The following SHISA6 variants were observed in gnomAD, a reference collection of about 807,000 sequenced individuals.
The protein encoded by SHISA6 is shisa family member 6.
Under a neutral mutation model 47.9 loss-of-function variants are expected in SHISA6, and 22 were observed. The ratio of observed to expected loss-of-function variants is 0.46; its 90% CI spans 0.33 to 0.66. The LOEUF is 0.66. SHISA6 is among the 30% of genes least tolerant of loss of function. The probability of loss-of-function intolerance (pLI) is 0.02; values close to 1 mark genes in which losing one functional copy is unlikely to be tolerated. For synonymous variants in SHISA6, 388 were observed against 337.8 expected, an observed-to-expected ratio of 1.15 and a Z score of -1.63; for missense variants, 680 against 764.6, an observed-to-expected ratio of 0.89 and a Z score of 1.30.
chr17:11,308,403 G>A (rs1448413929), intron 2 of SHISA6, among the ~76,000 whole-genome samples: 1 of 136,244 alleles, frequency 7.3e-6, no homozygotes, highest in Non-Finnish European at 1.7e-5. Flanking sequence ...CAGGAATGCA[G>A]CAAATTAACC....
intron 2 of SHISA6, chr17:11,288,526 G>C (rs564082379): frequency 1.3e-5 from 2 of 152,020 alleles, no homozygotes; most frequent in African/African-American, 4.8e-5. Context: ...CTGCACTCCA[G>C]CCTGGGCAAC....
chr17:11,343,354 C>T (rs1341274526), intron 2 of SHISA6, among the ~76,000 whole-genome samples: 1 of 152,092 alleles, frequency 6.6e-6, no homozygotes, highest in African/African-American at 2.4e-5. Flanking sequence ...CAGTGGCTTA[C>T]CTTGAGTGCT....
intron 2 of SHISA6, among the ~76,000 whole-genome samples, chr17:11,306,210 C>G (rs1364686891): frequency 6.6e-6 from 1 of 152,156 alleles, no homozygotes; most frequent in African/African-American, 2.4e-5. Context: ...CAATTCTCCT[C>G]TCATGAGGTC....
At chr17:11,331,091 A>C (rs1911090785) in intron 2 of SHISA6, among the ~76,000 whole-genome samples, 1 of 152,208 alleles carries the variant, frequency 6.6e-6, no homozygotes, top group African/African-American at 2.4e-5. Context: ...GGGAGCCTGC[A>C]GGAGAAACAT....
intron 3 of SHISA6, among the ~76,000 whole-genome samples, chr17:11,546,911 A>T (rs745627106): frequency 1.1e-4 from 17 of 152,222 alleles, no homozygotes; most frequent in Non-Finnish European, 1.8e-4. Context: ...CCTGGGCAAT[A>T]GAGCAAGACT....
intron 1 of SHISA6, among the ~76,000 whole-genome samples, chr17:11,248,346 C>T (rs530546982): frequency 6.6e-6 from 1 of 152,164 alleles, no homozygotes; most frequent in East Asian, 1.9e-4. Context: ...AATCTCGTTA[C>T]CTAGTTTTAC....
chr17:11,389,373 TAC>T (rs1184531443), intron 3 of SHISA6, among the ~76,000 whole-genome samples: 1 of 152,092 alleles, frequency 6.6e-6, no homozygotes, highest in African/African-American at 2.4e-5. Context: ...ACCTGTAGGG[TAC>T]ATGTATGCTT....
chr17:11,563,987 A>G lies in SHISA6; in HGVS notation c.*5683A>G, dbSNP rs1041801038. On this transcript the variant is annotated 3_prime_UTR_variant, in exon 6 of 6. Coordinates refer to ENST00000441885, the MANE Select transcript of SHISA6 (RefSeq NM_207386.4). ...CTGTAAACAGATACACTTTAGTAAG[A>G]TTTAGTCTTAAGGATTTTTCCACTT... 1 of 152,192 alleles carries G rather than the reference A, an allele frequency of 6.6e-6. No homozygotes were observed. The highest frequency in any genetic ancestry group is 1.5e-5 in the Non-Finnish European group (1 of 68,028). The allele number at this position is 152,192 out of a possible 1,614,324, so 9.4% of individuals were successfully genotyped here.
At chr17:11,484,038 C>A (rs1050040166) in intron 3 of SHISA6, among the ~76,000 whole-genome samples, 1 of 152,052 alleles carries the variant, frequency 6.6e-6, no homozygotes, top group Non-Finnish European at 1.5e-5. Context: ...CATTAACATG[C>A]AGAGAAGTAA....
intron 2 of SHISA6, among the ~76,000 whole-genome samples, chr17:11,330,766 G>T (rs546843809): frequency 6.6e-6 from 1 of 150,958 alleles, no homozygotes; most frequent in East Asian, 2.0e-4. Flanking sequence ...GATGTTTAAG[G>T]TAATTTAAAA....
chr17:11,508,519 T>G, intron 3 of SHISA6, among the ~76,000 whole-genome samples: 1 of 135,754 alleles, frequency 7.4e-6, no homozygotes, highest in East Asian at 2.5e-4. Context: ...ATCCTCAAAT[T>G]CACTCATGGT....
intron 2 of SHISA6, among the ~76,000 whole-genome samples, chr17:11,327,939 G>GTC (rs553091579): frequency 7.1e-6 from 1 of 141,766 alleles, no homozygotes; most frequent in African/African-American, 2.8e-5. Flanking sequence ...CTCTCTCTCT[G>GTC]TCTCTCTGTC....
intron 2 of SHISA6, among the ~76,000 whole-genome samples, chr17:11,270,756 C>T (rs1192993109): frequency 1.3e-5 from 2 of 152,338 alleles, no homozygotes; most frequent in East Asian, 3.9e-4. Context: ...GTCAGCCCCT[C>T]TCTGAAAGTC....
intron 3 of SHISA6, among the ~76,000 whole-genome samples, chr17:11,418,904 A>G (rs151322814): frequency 1.3e-5 from 2 of 152,232 alleles, no homozygotes; most frequent in Non-Finnish European, 2.9e-5. Context: ...GTACTAATTG[A>G]GGTGCTGCCT....
chr17:11,496,787 A>C (rs1173832830), intron 3 of SHISA6, among the ~76,000 whole-genome samples: 1 of 151,742 alleles, frequency 6.6e-6, no homozygotes, highest in Non-Finnish European at 1.5e-5. Flanking sequence ...TGGGATAGGT[A>C]GGAAACAATG....
chr17:11,428,950 A>G (rs527807978), intron 3 of SHISA6, among the ~76,000 whole-genome samples: 4 of 151,166 alleles, frequency 2.6e-5, no homozygotes, highest in Non-Finnish European at 5.9e-5. Flanking sequence ...ACGCCCGGTT[A>G]ATTTTTTGTA....
chr17:11,412,702 G>A (rs541576730), intron 3 of SHISA6, among the ~76,000 whole-genome samples: 14 of 151,912 alleles, frequency 9.2e-5, no homozygotes, highest in East Asian at 1.9e-4. Flanking sequence ...CCACCGTGCC[G>A]GGCTAATTTT....
intron 1 of SHISA6, among the ~76,000 whole-genome samples, chr17:11,247,111 A>G (rs1489573976): frequency 6.6e-6 from 1 of 152,168 alleles, no homozygotes; most frequent in Non-Finnish European, 1.5e-5. Context: ...AGCCTAATTC[A>G]TTGTATTCAA....
chr17:11,360,971 C>G (rs5011958), intron 2 of SHISA6, among the ~76,000 whole-genome samples: 1 of 149,308 alleles, frequency 6.7e-6, no homozygotes, highest in Non-Finnish European at 1.5e-5. Context: ...TCTTTGTTTT[C>G]TTTTTCCCCC....
Sources: gnomAD v4.1 joint callset for allele counts (sites outside exome capture counted in the v4.1 genomes callset) on GRCh38, gnomAD v4.1.1 for gene constraint, MANE v1.5 for transcripts, NCBI Gene and HGNC (gene_info 2026-07-23, HGNC 2026-07-21) for gene names.